The following SHC4 variants were observed in gnomAD, a reference collection of about 807,000 sequenced individuals.
SHC4 encodes SHC-transforming protein 4.
SHC4 carries 41 observed loss-of-function variants against 69.4 expected under a neutral mutation model. The observed-to-expected ratio is 0.59, with a 90% CI of 0.46 to 0.77. The LOEUF is 0.77. Ranked by LOEUF, SHC4 falls within the 30% of genes least tolerant of loss-of-function variation. The probability of loss-of-function intolerance (pLI) is 0.00; values close to 1 mark genes in which losing one functional copy is unlikely to be tolerated. For missense variants in SHC4, 777 were observed against 783.8 expected (o/e 0.99, Z 0.10); for synonymous variants, 318 against 299.3 (o/e 1.06, Z -0.64).
intron 2 of SHC4, among the ~76,000 whole-genome samples, chr15:48,891,379 T>C (rs1034915212): frequency 5.3e-5 from 8 of 152,222 alleles, no homozygotes; most frequent in Non-Finnish European, 1.5e-5. Context: ...AAGAAATCAA[T>C]ATCAAATTTC....
At chr15:48,889,688 C>A (rs984178318) in intron 3 of SHC4, among the ~76,000 whole-genome samples, 2 of 152,034 alleles carry the variant, frequency 1.3e-5, no homozygotes, top group Admixed American at 1.3e-4. Context: ...ACTAAAAATA[C>A]AAAAAATTAG....
intron 11 of SHC4, 142 bp downstream of exon 11, chr15:48,834,627 C>T: frequency 8.2e-7 from 1 of 1,221,886 alleles, no homozygotes; most frequent in Non-Finnish European, 1.1e-6. Flanking sequence ...CTCTAGTTAG[C>T]ATGTCCTGCT....
At chr15:48,842,335 C>A (rs1595728554) in intron 10 of SHC4, among the ~76,000 whole-genome samples, 1 of 152,162 alleles carries the variant, frequency 6.6e-6, no homozygotes, top group Non-Finnish European at 1.5e-5. Flanking sequence ...GAAACAGTAG[C>A]CACTGTGACT....
chr15:48,924,736 G>A (rs935686282), intron 2 of SHC4, 143 bp downstream of exon 2: 9 of 755,468 alleles, frequency 1.2e-5, no homozygotes, highest in Non-Finnish European at 1.8e-5. Context: ...CTCATTGAAG[G>A]TCACTGGGCG....
chr15:48,923,548 A>G (rs1225117205), intron 2 of SHC4, among the ~76,000 whole-genome samples: 1 of 149,014 alleles, frequency 6.7e-6, no homozygotes, highest in Non-Finnish European at 1.5e-5. Context: ...CTGTCTCAAA[A>G]AAAAAAAAAA....
chr15:48,842,679 A>G (rs1474541327), intron 10 of SHC4, among the ~76,000 whole-genome samples: 2 of 152,198 alleles, frequency 1.3e-5, no homozygotes, highest in Non-Finnish European at 2.9e-5. Context: ...CTGTAATCCC[A>G]ATGCTTTGAG....
At chr15:48,889,591 C>T (rs555279597) in intron 3 of SHC4, among the ~76,000 whole-genome samples, 4 of 152,246 alleles carry the variant, frequency 2.6e-5, no homozygotes, top group Admixed American at 6.5e-5. Context: ...ACGCCTGTGG[C>T]CCCAGCACTT....
rs761771212 is a variant in SHC4 at position 48,834,989 on chromosome 15, G to A, written c.1517C>T (p.Ala506Val). ...CAAAGAATGTGAGCTGGCAGGCTGG[G>A]CTGTGGCACCCGGCTGAACAGTTTC... ...APETVQPGAT[A>V]QPASSHSLPH... The change falls in exon 11 of 12, where the codon GCC (alanine) becomes GTC (valine). Residue 506 changes from alanine to valine, a missense_variant. Ala to Val is a moderately conservative substitution (Grantham distance 64, BLOSUM62 0). Coordinates refer to ENST00000332408, the MANE Select transcript of SHC4 (RefSeq NM_203349.4). The A allele has an allele frequency of 1.9e-6, 3 of 1,612,610 alleles. No individual in the cohort carries two copies. Among genetic ancestry groups the A allele is most frequent in the African/African-American group, 2.7e-5 (2 of 74,906 alleles).
chr15:48,962,948 C>T lies in SHC4; in HGVS notation c.68G>A (p.Gly23Glu). ...VLYVGLFGHP[G>E]MLHRAKYSRF... ...GCTGTACTTGGCCCTGTGCAGCATC[C>T]CGGGGTGCCCGAAGAGTCCTACATA... Residue 23 changes from glycine to glutamate, a missense_variant, in exon 1 of 12, where the codon GGG (glycine) becomes GAG (glutamate). Physicochemically the swap from Gly to Glu is moderately conservative, Grantham distance 98. Coordinates refer to ENST00000332408, the MANE Select transcript of SHC4 (RefSeq NM_203349.4). 3 of 1,613,140 alleles carry T rather than the reference C, an allele frequency of 1.9e-6. No homozygotes were observed. The highest frequency in any genetic ancestry group is 1.7e-6 in the Non-Finnish European group (2 of 1,180,004).
At chr15:48,938,039 C>A (rs537967728) in intron 1 of SHC4, among the ~76,000 whole-genome samples, 1 of 152,310 alleles carries the variant, frequency 6.6e-6, no homozygotes, top group South Asian at 2.1e-4. Context: ...TCCTAAGAGA[C>A]TTTTAAGATC....
At chr15:48,894,258 G>A (rs760832935) in intron 2 of SHC4, among the ~76,000 whole-genome samples, 12 of 152,102 alleles carry the variant, frequency 7.9e-5, no homozygotes, top group Non-Finnish European at 1.6e-4. Flanking sequence ...ACTATGGCTT[G>A]GTTTTAGGTG....
At chr15:48,906,789 T>G (rs546668261) in intron 2 of SHC4, among the ~76,000 whole-genome samples, 1 of 152,314 alleles carries the variant, frequency 6.6e-6, no homozygotes, top group South Asian at 2.1e-4. Flanking sequence ...CCTTTTTTGC[T>G]TAAGCTAGGC....
At chr15:48,940,723 C>G (rs561333344) in intron 1 of SHC4, among the ~76,000 whole-genome samples, 94 of 152,262 alleles carry the variant, frequency 6.2e-4, no homozygotes, top group Admixed American at 2.1e-3. Context: ...GGCAAAGAAC[C>G]TCATTGACGT....
intron 1 of SHC4, among the ~76,000 whole-genome samples, chr15:48,933,667 A>C (rs1439032543): frequency 6.6e-6 from 1 of 152,216 alleles, no homozygotes; most frequent in Non-Finnish European, 1.5e-5. Context: ...GAAAAAGAAC[A>C]AAGTTAGAGA....
chr15:48,925,825 G>A (rs1427299898), intron 1 of SHC4, among the ~76,000 whole-genome samples: 3 of 152,164 alleles, frequency 2.0e-5, no homozygotes, highest in South Asian at 4.1e-4. Flanking sequence ...GGGAAGTAAC[G>A]ACAGCCCACA....
intron 2 of SHC4, among the ~76,000 whole-genome samples, chr15:48,891,273 G>C (rs535510565): frequency 1.3e-4 from 20 of 152,010 alleles, no homozygotes; most frequent in Non-Finnish European, 2.4e-4. Flanking sequence ...TAAAAGGATC[G>C]GGAGAACGTT....
At chr15:48,959,898 G>T (rs2141043760) in intron 1 of SHC4, among the ~76,000 whole-genome samples, 1 of 152,324 alleles carries the variant, frequency 6.6e-6, no homozygotes, top group South Asian at 2.1e-4. Flanking sequence ...ATCTCACTCT[G>T]CTTTAACTCA....
At chr15:48,945,277 C>G (rs1350349906) in intron 1 of SHC4, among the ~76,000 whole-genome samples, 1 of 151,712 alleles carries the variant, frequency 6.6e-6, no homozygotes, top group Non-Finnish European at 1.5e-5. Context: ...GGCAACCAAC[C>G]ATTGCATTCC....
At chr15:48,926,001 T>C (rs769524067) in intron 1 of SHC4, among the ~76,000 whole-genome samples, 1 of 152,132 alleles carries the variant, frequency 6.6e-6, no homozygotes, top group Non-Finnish European at 1.5e-5. Context: ...GAGGGAACAG[T>C]GATGCCATCA....
Sources: gnomAD v4.1 joint callset for allele counts (sites outside exome capture counted in the v4.1 genomes callset) on GRCh38, gnomAD v4.1.1 for gene constraint, MANE v1.5 for transcripts, NCBI Gene and HGNC (gene_info 2026-07-23, HGNC 2026-07-21) for gene names.